The following MKLN1 variants were observed in gnomAD, a reference collection of about 807,000 sequenced individuals.
The protein encoded by MKLN1 is muskelin.
In MKLN1, 18 loss-of-function variants were observed where a neutral mutation model predicts 99.0. The observed-to-expected ratio is 0.18, with a 90% CI of 0.13 to 0.27. MKLN1 has a LOEUF of 0.27. MKLN1 is among the 10% of genes least tolerant of loss of function. The pLI, the probability that MKLN1 is intolerant of heterozygous loss-of-function variation, is 1.00. For synonymous variants in MKLN1, 288 were observed against 293.2 expected, an observed-to-expected ratio of 0.98 and a Z score of 0.18; for missense variants, 621 against 875.9, an observed-to-expected ratio of 0.71 and a Z score of 3.67.
At chr7:131,485,797 CAA>C (rs1414455762) in intron 17 of MKLN1, among the ~76,000 whole-genome samples, 2 of 152,028 alleles carry the variant, frequency 1.3e-5, no homozygotes, top group East Asian at 1.9e-4. Flanking sequence ...TCATTAAAGT[CAA>C]AGAGAGGCTG....
At chr7:131,334,804 T>C (rs973910326) in intron 1 of MKLN1, among the ~76,000 whole-genome samples, 4 of 152,240 alleles carry the variant, frequency 2.6e-5, no homozygotes, top group South Asian at 2.1e-4. Flanking sequence ...TTCTAGACTT[T>C]AATTTTAGAG....
intron 1 of MKLN1, among the ~76,000 whole-genome samples, chr7:131,370,742 A>G (rs1413954861): frequency 6.6e-6 from 1 of 152,166 alleles, no homozygotes; most frequent in Non-Finnish European, 1.5e-5. Flanking sequence ...TTAGTGGGGT[A>G]GGGAGATAGC....
intron 1 of MKLN1, among the ~76,000 whole-genome samples, chr7:131,339,859 A>G (rs190282784): frequency 3.2e-4 from 49 of 152,118 alleles, no homozygotes; most frequent in Non-Finnish European, 5.3e-4. Flanking sequence ...GTTTGGTGTA[A>G]ACTTTGGTTT....
At chr7:131,236,497 C>G (rs1233873176) in intron 3 of MKLN1, among the ~76,000 whole-genome samples, 1 of 152,062 alleles carries the variant, frequency 6.6e-6, no homozygotes, top group African/African-American at 2.4e-5. Flanking sequence ...CCCGACTCTA[C>G]TAAAAATACA....
At position 131,131,636 on chromosome 7, in the gene MKLN1, G is replaced by T. The variant is rs116902495; in HGVS notation, c.-418-11184G>T. On this transcript the variant is annotated intron_variant, in intron 1 of 7. Transcript: ENST00000416992. Reference sequence around the variant, plus strand: ...TAGTGATTAGAAGAGCTCAGATTCGGTCACAGAAAGTCTGGTTTCAGAAGC... The same window carrying T: ...TAGTGATTAGAAGAGCTCAGATTCGTTCACAGAAAGTCTGGTTTCAGAAGC... 2.6e-5 allele frequency among the ~76,000 whole-genome samples: 4 copies of T among 152,258 alleles called. No individual in the cohort carries two copies. In the East Asian group the frequency reaches 7.7e-4, roughly 29 times the overall value.
intron 2 of MKLN1, among the ~76,000 whole-genome samples, chr7:131,381,977 G>A (rs1359133788): frequency 6.6e-6 from 1 of 152,128 alleles, no homozygotes; most frequent in Non-Finnish European, 1.5e-5. Flanking sequence ...GATTTCTGTT[G>A]TATGAATATC....
At chr7:131,285,436 C>T (rs143175990) in intron 3 of MKLN1, among the ~76,000 whole-genome samples, 2 of 152,292 alleles carry the variant, frequency 1.3e-5, no homozygotes, top group East Asian at 1.9e-4. Context: ...CCCAATTTTC[C>T]GAAATGAGGT....
rs1795998399 is a variant in MKLN1 at position 131,445,829 on chromosome 7, A to T, written c.1451A>T (p.Asp484Val). ...CAGCGATCAAAGACCTATTTGAATG[A>T]TTTCTTTAGTTATGATGTGGACTCT... Reference protein sequence around the residue: ...GGQRSKTYLNDFFSYDVDSDH... With the variant: ...GGQRSKTYLNVFFSYDVDSDH... The change falls in exon 12 of 18, where the codon GAT becomes GTT. Residue 484 changes from aspartate to valine, a missense_variant. Asp to Val is a radical substitution (Grantham distance 152, BLOSUM62 -3). Coordinates refer to ENST00000352689, the MANE Select transcript of MKLN1 (RefSeq NM_013255.5). The T allele has an allele frequency of 6.2e-7, 1 of 1,608,918 alleles. No homozygotes were observed. Among genetic ancestry groups the T allele is most frequent in the Non-Finnish European group, 8.5e-7 (1 of 1,177,172 alleles).
chr7:131,217,367 C>T (rs182847395), intron 3 of MKLN1, among the ~76,000 whole-genome samples: 1 of 152,276 alleles, frequency 6.6e-6, no homozygotes, highest in Non-Finnish European at 1.5e-5. Flanking sequence ...ACTAAAAATC[C>T]AGTTGGGCCG....
chr7:131,405,444 C>G (rs1207281283), intron 6 of MKLN1, among the ~76,000 whole-genome samples: 2 of 151,962 alleles, frequency 1.3e-5, no homozygotes, highest in Non-Finnish European at 1.5e-5. Context: ...TCTGTTATTT[C>G]CTGTGTCCTT....
chr7:131,241,183 G>A (rs1797396006), intron 3 of MKLN1, among the ~76,000 whole-genome samples: 1 of 151,824 alleles, frequency 6.6e-6, no homozygotes, highest in Non-Finnish European at 1.5e-5. Context: ...TTTGAGACCA[G>A]GCTGGCCAAC....
At chr7:131,396,118 G>A (rs1794351891) in intron 4 of MKLN1, among the ~76,000 whole-genome samples, 1 of 151,944 alleles carries the variant, frequency 6.6e-6, no homozygotes, top group Non-Finnish European at 1.5e-5. Flanking sequence ...TGTCGCCCAG[G>A]CTGGAGTACA....
Position 131,463,358 on chromosome 7 carries a change from A to G in MKLN1, c.1667A>G (p.Asn556Ser). The change falls in exon 13 of 18, where the codon AAT becomes AGT. Residue 556 changes from asparagine to serine, a missense_variant. By Grantham distance (46) the Asn-to-Ser change is conservative. This residue lies in a region of MKLN1 where 30 missense variants were observed against 29.3 expected (regional missense o/e 1.02). Coordinates refer to ENST00000352689, the MANE Select transcript of MKLN1 (RefSeq NM_013255.5). ...TTCTGGATTTATGACATTGTGAGGA[A>G]TAGTTGGTAAGGAACTCTTGTCTCT... ...NSFWIYDIVR[N>S]SWSCVYKNDQ... is the part of the protein sequence containing the mutation. 2.5e-6 allele frequency: 4 copies of G among 1,610,898 alleles called. No homozygotes were observed. Among genetic ancestry groups the G allele is most frequent in the East Asian group, 2.2e-5 (1 of 44,700 alleles).
At chr7:131,483,030 A>G (rs1439307124) in intron 17 of MKLN1, among the ~76,000 whole-genome samples, 1 of 152,198 alleles carries the variant, frequency 6.6e-6, no homozygotes, top group Non-Finnish European at 1.5e-5. Flanking sequence ...AAACCACTAA[A>G]TATGCTACCT....
intron 1 of MKLN1, among the ~76,000 whole-genome samples, chr7:131,359,380 C>T (rs183794379): frequency 2.1e-3 from 319 of 152,246 alleles, no homozygotes; most frequent in Non-Finnish European, 3.3e-3. Flanking sequence ...GTGTAATCTT[C>T]AACTCTTTTA....
At chr7:131,368,063 A>G (rs1800233739) in intron 1 of MKLN1, among the ~76,000 whole-genome samples, 1 of 152,154 alleles carries the variant, frequency 6.6e-6, no homozygotes, top group Admixed American at 6.6e-5. Context: ...ATAATAATGA[A>G]TATGTTTTAT....
At chr7:131,122,130 C>T (rs1372473590) in intron 1 of MKLN1, among the ~76,000 whole-genome samples, 2 of 152,196 alleles carry the variant, frequency 1.3e-5, no homozygotes, top group African/African-American at 4.8e-5. Flanking sequence ...GGGGCTTGCC[C>T]TGTGACCCAC....
Position 131,466,271 on chromosome 7 carries a change from T to G in MKLN1, c.1789-5T>G. On this transcript the variant is annotated splice_polypyrimidine_tract_variant and splice_region_variant and intron_variant, in intron 14 of 17. Transcript: ENST00000352689. ...TAAAAATCTGGCTTATTTTGCTTATTATAGGTTCATTACTTATTTGGTGGG... is the reference window on the plus strand; with the variant it reads ...TAAAAATCTGGCTTATTTTGCTTATGATAGGTTCATTACTTATTTGGTGGG... 6.3e-7 allele frequency: 1 copy of G among 1,588,008 alleles called. No homozygotes were observed. Among genetic ancestry groups the G allele is most frequent in the Non-Finnish European group, 8.6e-7 (1 of 1,164,270 alleles).
rs1563226557 is a variant in MKLN1, at chr7:131,133,819, G to GTTTTTTTT, written c.-418-9001_-418-9000insTTTTTTTT. On this transcript the variant is annotated intron_variant, in intron 1 of 7. Transcript: ENST00000416992. ...ACTTCTTTTTTTTTTTTTTTAATTT[G>GTTTTTTTT]GTTTTTTTTTTTTTTTTTTTTTTTT... Among the ~76,000 whole-genome samples, 18 of 67,234 alleles carry GTTTTTTTT rather than the reference G, an allele frequency of 2.7e-4. 3 individuals carry two copies. Among genetic ancestry groups the GTTTTTTTT allele is most frequent in the Non-Finnish European group, 3.4e-4 (11 of 32,200 alleles). The allele number at this position is 67,234 out of a possible 152,430, so 44.1% of individuals were successfully genotyped here.
Sources: allele counts gnomAD v4.1 joint callset (sites outside exome capture counted in the v4.1 genomes callset), GRCh38; gene constraint gnomAD v4.1.1; regional missense constraint gnomAD v4.1.1; transcripts MANE v1.5; gene names NCBI Gene and HGNC (gene_info 2026-07-23, HGNC 2026-07-21).